The following STXBP5L variants were observed in gnomAD, a reference collection of about 807,000 sequenced individuals.
STXBP5L encodes syntaxin binding protein 5L.
Under a neutral mutation model 144.5 loss-of-function variants are expected in STXBP5L, and 65 were observed. The ratio of observed to expected loss-of-function variants is 0.45; its 90% CI spans 0.37 to 0.55. The LOEUF is 0.55. STXBP5L is among the 20% of genes least tolerant of loss of function. The pLI, the probability that STXBP5L is intolerant of heterozygous loss-of-function variation, is 0.00. For synonymous variants in STXBP5L, 505 were observed against 469.6 expected, an observed-to-expected ratio of 1.08 and a Z score of -0.97; for missense variants, 1,298 against 1,405.5, an observed-to-expected ratio of 0.92 and a Z score of 1.22.
chr3:120,983,377 G>C (rs1941986675), intron 3 of STXBP5L, among the ~76,000 whole-genome samples: 1 of 152,124 alleles, frequency 6.6e-6, no homozygotes, highest in Non-Finnish European at 1.5e-5. Context: ...TCACTTCTCT[G>C]TCCCACAGCA....
intron 11 of STXBP5L, among the ~76,000 whole-genome samples, chr3:121,227,830 A>G (rs2049169465): frequency 6.6e-6 from 1 of 152,190 alleles, no homozygotes; most frequent in Non-Finnish European, 1.5e-5. Flanking sequence ...ACACTTTTTA[A>G]TAAAGCCACA....
chr3:121,395,437 T>C (rs1056657634), intron 22 of STXBP5L, among the ~76,000 whole-genome samples: 3 of 152,240 alleles, frequency 2.0e-5, no homozygotes, highest in Non-Finnish European at 4.4e-5. Context: ...ATGAGTATGA[T>C]ACATATGTTA....
rs948842772 is a variant in STXBP5L, at chr3:121,351,476, T to C, written c.2177-27240T>C. Among the ~76,000 whole-genome samples the C allele has an allele frequency of 4.7e-4, 72 of 152,168 alleles. 1 individual carries two copies. The highest frequency in any genetic ancestry group is 1.4e-3 in the African/African-American group (58 of 41,526). On this transcript the variant is annotated intron_variant, in intron 20 of 26. Coordinates refer to ENST00000471454, the MANE Select transcript of STXBP5L (RefSeq NM_001308330.2). The stretch of plus-strand genomic sequence containing the variant: ...CTGCGTGCTGGGAGAACGACTACTC[T>C]CCAGAAGTCTTCTTTTGAGAAGTGT...
intron 5 of STXBP5L, among the ~76,000 whole-genome samples, chr3:121,090,987 T>C (rs1287134970): frequency 6.9e-5 from 10 of 144,266 alleles, no homozygotes; most frequent in African/African-American, 2.1e-4. Flanking sequence ...GTCCATGTGT[T>C]CTCATTGTTC....
At chr3:120,984,476 C>T (rs1291978499) in intron 3 of STXBP5L, among the ~76,000 whole-genome samples, 1 of 151,792 alleles carries the variant, frequency 6.6e-6, no homozygotes, top group East Asian at 1.9e-4. Context: ...ACTTTGTGTC[C>T]TACTATTTTG....
intron 5 of STXBP5L, among the ~76,000 whole-genome samples, chr3:121,062,426 G>A (rs1009375394): frequency 2.0e-5 from 3 of 152,088 alleles, no homozygotes; most frequent in Non-Finnish European, 2.9e-5. Context: ...AAGGAAAAAT[G>A]TTAAACATTT....
At chr3:120,971,575 G>C (rs1247002333) in intron 3 of STXBP5L, among the ~76,000 whole-genome samples, 1 of 151,288 alleles carries the variant, frequency 6.6e-6, no homozygotes, top group Non-Finnish European at 1.5e-5. Flanking sequence ...CATCCATATT[G>C]CTGCAAAATA....
chr3:121,328,226 A>C (rs1251828243), intron 20 of STXBP5L, among the ~76,000 whole-genome samples: 2 of 152,210 alleles, frequency 1.3e-5, no homozygotes, highest in Admixed American at 1.3e-4. Flanking sequence ...AAGTTTAATA[A>C]TGAAAATAAT....
intron 3 of STXBP5L, among the ~76,000 whole-genome samples, chr3:120,970,261 C>A (rs1940094728): frequency 6.6e-6 from 1 of 151,912 alleles, no homozygotes; most frequent in Non-Finnish European, 1.5e-5. Context: ...CTGAATTAGT[C>A]TTTTTTTCTT....
At position 121,324,435 on chromosome 3, in the gene STXBP5L, ATTG is replaced by A. The variant is rs2044077771; in HGVS notation, c.2176+5896_2176+5898del. The A allele has an allele frequency of 1.6e-5, 10 of 619,716 alleles. No homozygotes were observed. In the South Asian group the frequency reaches 1.9e-4, roughly 12 times the overall value. 38.4% of individuals were successfully genotyped at this position (619,716 alleles called of 1,614,324 possible). A position where few individuals can be genotyped will look rare whatever the true frequency, so the allele number is the denominator to read the frequency against. On this transcript the variant is annotated intron_variant, in intron 20 of 26. Transcript: ENST00000471454. ...TTCAGCTTTATTAAAGATAAAAATT[ATTG>A]GTTCACTTAGGCTAAGGTACTCCAT...
chr3:120,989,660 C>G (rs975317123), intron 3 of STXBP5L, among the ~76,000 whole-genome samples: 1 of 152,092 alleles, frequency 6.6e-6, no homozygotes, highest in Non-Finnish European at 1.5e-5. Flanking sequence ...TTCTCTTTCC[C>G]GCTCTACTAG....
chr3:121,360,206 A>G (rs547564086), intron 20 of STXBP5L, among the ~76,000 whole-genome samples: 4 of 151,210 alleles, frequency 2.6e-5, no homozygotes, highest in African/African-American at 9.7e-5. Flanking sequence ...TTTTTCTGAT[A>G]TAAATATAGT....
At chr3:121,116,531 T>G (rs562263123) in intron 6 of STXBP5L, among the ~76,000 whole-genome samples, 5 of 152,234 alleles carry the variant, frequency 3.3e-5, no homozygotes, top group African/African-American at 1.2e-4. Context: ...CTTATTTCTG[T>G]GCTTTCCAAA....
intron 3 of STXBP5L, among the ~76,000 whole-genome samples, chr3:120,979,125 G>A (rs946853694): frequency 2.6e-5 from 4 of 152,202 alleles, no homozygotes; most frequent in African/African-American, 4.8e-5. Context: ...CTGTCTTTTT[G>A]TTTGTCTGTG....
At chr3:121,026,809 C>T (rs918264391) in intron 3 of STXBP5L, among the ~76,000 whole-genome samples, 1 of 151,854 alleles carries the variant, frequency 6.6e-6, no homozygotes, top group African/African-American at 2.4e-5. Flanking sequence ...AACAAACCTT[C>T]ACGTTGTGCA....
intron 20 of STXBP5L, among the ~76,000 whole-genome samples, chr3:121,364,491 A>C (rs1330446403): frequency 2.0e-5 from 3 of 152,008 alleles, no homozygotes; most frequent in African/African-American, 7.2e-5. Flanking sequence ...GCAAAAAAAA[A>C]AAAATGGATT....
intron 21 of STXBP5L, among the ~76,000 whole-genome samples, chr3:121,380,599 T>C (rs1001711857): frequency 3.9e-5 from 6 of 152,050 alleles, no homozygotes; most frequent in Non-Finnish European, 8.8e-5. Context: ...TCCTGTTTTT[T>C]TTTTTAAGTG....
At chr3:121,058,895 C>CA (rs1477041353) in intron 5 of STXBP5L, among the ~76,000 whole-genome samples, 2 of 152,010 alleles carry the variant, frequency 1.3e-5, no homozygotes, top group African/African-American at 2.4e-5. Flanking sequence ...GGATAGATTG[C>CA]AAAAAATGTT....
chr3:121,009,527 A>G (rs944628262), intron 3 of STXBP5L, among the ~76,000 whole-genome samples: 1 of 151,982 alleles, frequency 6.6e-6, no homozygotes, highest in Non-Finnish European at 1.5e-5. Flanking sequence ...GTAGCAGTTC[A>G]TTTATTACTG....
Sources: allele counts gnomAD v4.1 joint callset (sites outside exome capture counted in the v4.1 genomes callset), GRCh38; gene constraint gnomAD v4.1.1; transcripts MANE v1.5; gene names NCBI Gene and HGNC (gene_info 2026-07-23, HGNC 2026-07-21).